PTPN3: variants seen among roughly 807,000 people sequenced by gnomAD.
PTPN3 encodes protein tyrosine phosphatase non-receptor type 3, also known as tyrosine-protein phosphatase non-receptor type 3.
A neutral mutation model predicts 132.7 loss-of-function variants in PTPN3; 96 were observed. The observed-to-expected ratio is 0.72, with a 90% confidence interval of 0.61 to 0.86. PTPN3 has a LOEUF of 0.86. PTPN3 is among the 40% of genes least tolerant of loss of function. The pLI is 0.00. For synonymous variants in PTPN3, 398 were observed against 429.0 expected, an observed-to-expected ratio of 0.93 and a Z score of 0.89; for missense variants, 1,125 against 1,159.6, an observed-to-expected ratio of 0.97 and a Z score of 0.43.
upstream of PTPN3, among the ~76,000 whole-genome samples, chr9:109,498,885 C>A (rs976518014): frequency 1.3e-5 from 2 of 152,174 alleles, no homozygotes; most frequent in Non-Finnish European, 2.9e-5. This position sits in a 1 kb window ranked among gnomAD's most constrained non-coding sequence, Gnocchi z 4.2. Context: ...CTCTGTGGGA[C>A]GTTCTTGCCC....
At chr9:109,487,346 C>T (rs1847260399) in intron 1 of PTPN3, among the ~76,000 whole-genome samples, 1 of 152,210 alleles carries the variant, frequency 6.6e-6, no homozygotes, top group Non-Finnish European at 1.5e-5. Context: ...GGAGGGCCCC[C>T]CTGGCCGCAA....
chr9:109,477,384 T>G (rs769560674), intron 1 of PTPN3, among the ~76,000 whole-genome samples: 8 of 152,202 alleles, frequency 5.3e-5, no homozygotes, highest in Non-Finnish European at 1.2e-4. Context: ...ATCTGGGTAT[T>G]TATCACCATA....
chr9:109,516,038 G>T, the PTPN3 span, among the ~76,000 whole-genome samples: 3 of 152,188 alleles, frequency 2.0e-5, no homozygotes, highest in Admixed American at 6.5e-5. Flanking sequence ...ACCTGCTGGG[G>T]TGTCCAGTGC....
intron 14 of PTPN3, among the ~76,000 whole-genome samples, chr9:109,412,533 C>T (rs553445773): frequency 1.3e-5 from 2 of 152,222 alleles, no homozygotes; most frequent in Non-Finnish European, 2.9e-5. Flanking sequence ...GCCACCACAC[C>T]CGGCTAATTT....
At chr9:109,408,200 T>C in intron 17 of PTPN3, 121 bp downstream of exon 17, 1 of 694,288 alleles carries the variant, frequency 1.4e-6, no homozygotes, top group Non-Finnish European at 2.3e-6. Context: ...AACATGGTGA[T>C]GTATATCTAA....
chr9:109,526,218 A>C, the PTPN3 span, among the ~76,000 whole-genome samples: 1 of 152,194 alleles, frequency 6.6e-6, no homozygotes, highest in African/African-American at 2.4e-5. Flanking sequence ...AGTAAAGAAG[A>C]CTAAAATAAA....
At chr9:109,532,226 CACTA>C in the PTPN3 span, among the ~76,000 whole-genome samples, 1 of 152,144 alleles carries the variant, frequency 6.6e-6, no homozygotes, top group African/African-American at 2.4e-5. Context: ...CTGGCAGATA[CACTA>C]ACTACAAGAT....
At chr9:109,449,692 C>G in intron 5 of PTPN3, 1 of 985,422 alleles carries the variant, frequency 1.0e-6, no homozygotes, top group Non-Finnish European at 1.2e-6. Context: ...AACCCAGATT[C>G]AAACGGGATA....
chr9:109,535,248 T>C, the PTPN3 span, among the ~76,000 whole-genome samples: 1 of 152,246 alleles, frequency 6.6e-6, no homozygotes, highest in African/African-American at 2.4e-5. Context: ...CATATTCTGG[T>C]ACGTTCTTTA....
At chr9:109,401,576 G>C (rs1015469439) in intron 19 of PTPN3, among the ~76,000 whole-genome samples, 1 of 152,212 alleles carries the variant, frequency 6.6e-6, no homozygotes, top group African/African-American at 2.4e-5. Context: ...CTGCGTGAAG[G>C]AGGTTTCATG....
intron 1 of PTPN3, among the ~76,000 whole-genome samples, chr9:109,470,684 A>G (rs1846336228): frequency 7.8e-6 from 1 of 128,690 alleles, no homozygotes; most frequent in South Asian, 3.0e-4. Flanking sequence ...CAACAGAGCG[A>G]GACCTCATCC....
intron 10 of PTPN3, among the ~76,000 whole-genome samples, chr9:109,430,739 C>A (rs1843605740): frequency 6.6e-6 from 1 of 152,184 alleles, no homozygotes; most frequent in Admixed American, 6.5e-5. Flanking sequence ...CCTAGAGTCT[C>A]ACAAGAGCAC....
chr9:109,391,720 C>G (rs932100177), intron 19 of PTPN3, among the ~76,000 whole-genome samples, 159 bp from the exon 20 acceptor site: 3 of 150,008 alleles, frequency 2.0e-5, no homozygotes, highest in African/African-American at 7.4e-5. Context: ...TTCTACAGTT[C>G]CATGAGAAAC....
At chr9:109,479,980 A>G (rs536465312) in intron 1 of PTPN3, among the ~76,000 whole-genome samples, 2 of 152,294 alleles carry the variant, frequency 1.3e-5, no homozygotes, top group East Asian at 3.9e-4. Context: ...CATCCTTGCT[A>G]ATACTTGTTA....
At chr9:109,422,692 CAAA>C (rs111591001) in intron 13 of PTPN3, 23 bp downstream of exon 13, 425 of 1,439,062 alleles carry the variant, frequency 3.0e-4, no homozygotes, top group Admixed American at 8.1e-4. Flanking sequence ...TTGGGTAGTA[CAAA>C]AAAAAAAAAA....
chr9:109,500,542 A>G (rs1368269754), upstream of PTPN3, among the ~76,000 whole-genome samples: 1 of 152,056 alleles, frequency 6.6e-6, no homozygotes, highest in East Asian at 1.9e-4. Context: ...AGGTTATGGT[A>G]TATTAGTTGA....
chr9:109,532,921 T>C, the PTPN3 span: 2 of 939,064 alleles, frequency 2.1e-6, no homozygotes, highest in Non-Finnish European at 1.4e-6. Flanking sequence ...TGCCACCTTG[T>C]GGTTTAGGGT....
the PTPN3 span, among the ~76,000 whole-genome samples, chr9:109,513,746 C>T: frequency 6.6e-6 from 1 of 152,116 alleles, no homozygotes; most frequent in Non-Finnish European, 1.5e-5. Context: ...TCTTTTTCTG[C>T]TTTCTGTGCA....
At chr9:109,409,097 G>A (rs1470601321) in intron 16 of PTPN3, among the ~76,000 whole-genome samples, 1 of 151,908 alleles carries the variant, frequency 6.6e-6, no homozygotes, top group African/African-American at 2.4e-5. Flanking sequence ...GTGGGAGTGA[G>A]GGCTCTGATT....
Sources: allele counts gnomAD v4.1 joint callset (sites outside exome capture counted in the v4.1 genomes callset), GRCh38; gene constraint gnomAD v4.1.1; non-coding constraint Gnocchi (gnomAD v3.1); transcripts MANE v1.5; gene names NCBI Gene and HGNC (gene_info 2026-07-23, HGNC 2026-07-21).